Variants in NPRL3 observed in about 807,000 individuals in gnomAD.
The protein encoded by NPRL3 is GATOR1 complex protein NPRL3.
A neutral mutation model predicts 57.2 loss-of-function variants in NPRL3; 23 were observed. The observed-to-expected ratio is 0.40, with a 90% CI of 0.29 to 0.57. NPRL3 has a LOEUF of 0.57. NPRL3 is among the 20% of genes least tolerant of loss of function. The pLI, the probability that NPRL3 is intolerant of heterozygous loss-of-function variation, is 0.42. For synonymous variants in NPRL3, 333 were observed against 321.1 expected, an observed-to-expected ratio of 1.04 and a Z score of -0.39; for missense variants, 691 against 767.1, an observed-to-expected ratio of 0.90 and a Z score of 1.17.
At chr16:125,189 A>C (rs1446585322) in intron 3 of NPRL3, 1 of 154,386 alleles carries the variant, frequency 6.5e-6, no homozygotes, top group African/African-American at 2.4e-5. Context: ...CCAGGAGTGG[A>C]AACATTGTGG....
intron 5 of NPRL3, among the ~76,000 whole-genome samples, chr16:116,587 CAAG>C (rs1900041499): frequency 1.3e-5 from 2 of 151,872 alleles, no homozygotes; most frequent in Non-Finnish European, 2.9e-5. Context: ...TTTGGGTGGC[CAAG>C]GAGGGAAGAC....
chr16:86,993 G>A (rs2141895399), intron 13 of NPRL3, 123 bp from the exon 14 acceptor site: 2 of 1,014,922 alleles, frequency 2.0e-6, no homozygotes, highest in East Asian at 5.3e-5. Flanking sequence ...GGTGGTGAAG[G>A]CCAGGGAGGC....
In NPRL3 at chr16:119,156, G is replaced by T; in HGVS notation, c.288C>A (p.His96Gln). ...LKIDNVRFVGHPTLLQHALGQ... is the reference protein window; with the variant it reads ...LKIDNVRFVGQPTLLQHALGQ... Reference sequence around the variant, plus strand: ...CCAGAGCATGCTGTAGCAGTGTTGGGTGCCCAACAAATCGCACATTATCAA... The same window carrying T: ...CCAGAGCATGCTGTAGCAGTGTTGGTTGCCCAACAAATCGCACATTATCAA... The change falls in exon 4 of 14, where the codon CAC (histidine) becomes CAA (glutamine). Residue 96 changes from histidine (H) to glutamine (Q), a missense_variant. His to Gln is a conservative substitution (Grantham distance 24, BLOSUM62 0). Transcript: ENST00000611875. The T allele has an allele frequency of 6.2e-7, 1 of 1,613,556 alleles. No individual in the cohort carries two copies. Among genetic ancestry groups the T allele is most frequent in the Non-Finnish European group, 8.5e-7 (1 of 1,179,720 alleles).
chr16:136,418 G>A (rs185841683), intron 2 of NPRL3, among the ~76,000 whole-genome samples: 4 of 152,316 alleles, frequency 2.6e-5, no homozygotes, highest in African/African-American at 9.6e-5. Context: ...GGCTGGGCGC[G>A]GTGGCTCACG....
Position 86,695 on chromosome 16 carries a change from C to A in NPRL3, c.*10G>T, listed in dbSNP as rs1898485622. ...GCGCACCCCAGCAGCCTTCCGCCCTCCGCCTGGGCTCAGGGGAGCAGAGCC... is the reference window on the plus strand; with the variant it reads ...GCGCACCCCAGCAGCCTTCCGCCCTACGCCTGGGCTCAGGGGAGCAGAGCC... On this transcript the variant is annotated 3_prime_UTR_variant, in exon 14 of 14. Transcript: ENST00000611875. The A allele has an allele frequency of 1.3e-6, 2 of 1,545,826 alleles. No homozygotes were observed. The highest frequency in any genetic ancestry group is 2.7e-5 in the African/African-American group (2 of 73,056).
At chr16:131,059 G>A (rs550113384) in intron 2 of NPRL3, among the ~76,000 whole-genome samples, 1 of 152,360 alleles carries the variant, frequency 6.6e-6, no homozygotes, top group Non-Finnish European at 1.5e-5. Flanking sequence ...CAGTGATAAG[G>A]CACGGTGGCC....
chr16:96,887 CAG>C (rs1049616419), intron 9 of NPRL3, among the ~76,000 whole-genome samples: 22 of 152,274 alleles, frequency 1.4e-4, no homozygotes, highest in African/African-American at 5.3e-4. Flanking sequence ...CTCTCAAAGA[CAG>C]AATCCAAAAA....
chr16:129,417 G>C (rs2141979564), intron 3 of NPRL3, among the ~76,000 whole-genome samples: 1 of 152,268 alleles, frequency 6.6e-6, no homozygotes, highest in African/African-American at 2.4e-5. Context: ...GGGGTGTCCA[G>C]CAAGCCCCAT....
intron 9 of NPRL3, among the ~76,000 whole-genome samples, 155 bp downstream of exon 9, chr16:97,990 T>C (rs909842808): frequency 6.6e-6 from 1 of 152,060 alleles, no homozygotes; most frequent in African/African-American, 2.4e-5. Flanking sequence ...TGCCAAAACC[T>C]CCAGCCATCC....
intron 6 of NPRL3, among the ~76,000 whole-genome samples, chr16:110,860 A>G (rs1237867194): frequency 1.3e-5 from 2 of 152,096 alleles, no homozygotes; most frequent in Non-Finnish European, 2.9e-5. Context: ...TAGACCTGCT[A>G]ATTTTAAAAT....
intron 3 of NPRL3, among the ~76,000 whole-genome samples, chr16:129,559 G>A (rs1224561121): frequency 1.3e-5 from 2 of 152,146 alleles, no homozygotes; most frequent in African/African-American, 4.8e-5. Flanking sequence ...GCTTATGTAC[G>A]TAATCCCAAA....
At position 85,391 on chromosome 16, in the gene NPRL3, C is replaced by G. The variant is rs375910503; in HGVS notation, c.*1314G>C. The stretch of plus-strand genomic sequence containing the variant: ...AGGGAGGCTCCACTTCCAAACTGTC[C>G]GTCCCACAGGGGACGGGGCTTGCGT... On this transcript the variant is annotated 3_prime_UTR_variant, in exon 14 of 14. Coordinates refer to ENST00000611875, the MANE Select transcript of NPRL3 (RefSeq NM_001077350.3). 97 of 1,591,154 alleles carry G rather than the reference C, an allele frequency of 6.1e-5. No individual in the cohort carries two copies. The Middle Eastern group carries it at 1.2e-3, about 20-fold the overall frequency.
intron 5 of NPRL3, among the ~76,000 whole-genome samples, chr16:116,786 G>C (rs1799917330): frequency 4.5e-5 from 4 of 88,672 alleles, no homozygotes; most frequent in Non-Finnish European, 6.0e-5. Context: ...AACATGGCGA[G>C]ACCCCCCCCC....
intron 6 of NPRL3, among the ~76,000 whole-genome samples, chr16:110,959 CAT>C (rs1477902863): frequency 6.6e-6 from 1 of 152,002 alleles, no homozygotes; most frequent in Non-Finnish European, 1.5e-5. Context: ...AAAATATATA[CAT>C]AGACTTAAAA....
intron 9 of NPRL3, among the ~76,000 whole-genome samples, chr16:95,368 C>CAATATAT (rs1567132346): frequency 6.8e-6 from 1 of 146,868 alleles, no homozygotes; most frequent in Non-Finnish European, 1.5e-5. Flanking sequence ...CACACACACA[C>CAATATAT]ACACACACAC....
chr16:117,673 C>A (rs1037284358), intron 4 of NPRL3, among the ~76,000 whole-genome samples: 1 of 152,194 alleles, frequency 6.6e-6, no homozygotes, highest in African/African-American at 2.4e-5. Context: ...CAGACCCACA[C>A]CCCCACTGCC....
At chr16:104,835 T>G (rs1429269836) in intron 7 of NPRL3, among the ~76,000 whole-genome samples, 1 of 152,048 alleles carries the variant, frequency 6.6e-6, no homozygotes, top group African/African-American at 2.4e-5. Context: ...TCTGGAAAGG[T>G]GCCGGCCCAA....
At position 85,772 on chromosome 16, in the gene NPRL3, G is replaced by T. The variant is rs2234949; in HGVS notation, c.*933C>A. ...CAGAGTGGCTGAGCAGGACACACAG[G>T]CCTGAGCAAAGGGCCTGCCCAGACA... On this transcript the variant is annotated 3_prime_UTR_variant, in exon 14 of 14. Coordinates refer to ENST00000611875, the MANE Select transcript of NPRL3 (RefSeq NM_001077350.3). 1.1e-5 allele frequency: 17 copies of T among 1,497,856 alleles called. No individual in the cohort carries two copies. The Admixed American group carries it at 3.3e-4, about 29-fold the overall frequency. The allele number at this position is 1,497,856 out of a possible 1,614,324, so 92.8% of individuals were successfully genotyped here.
chr16:113,719 C>T (rs763700802), intron 5 of NPRL3, among the ~76,000 whole-genome samples: 5 of 152,204 alleles, frequency 3.3e-5, no homozygotes, highest in Non-Finnish European at 7.3e-5. Context: ...CTGATTACAA[C>T]CTCTGGTGCT....
Sources: gnomAD v4.1 joint callset for allele counts (sites outside exome capture counted in the v4.1 genomes callset) on GRCh38, gnomAD v4.1.1 for gene constraint, MANE v1.5 for transcripts, NCBI Gene and HGNC (gene_info 2026-07-23, HGNC 2026-07-21) for gene names.